CD79A: variants seen among roughly 807,000 people sequenced by gnomAD.
CD79A encodes the protein B-cell antigen receptor complex-associated protein alpha chain.
In CD79A, 16 loss-of-function variants were observed where a neutral mutation model predicts 27.4. The observed-to-expected ratio is 0.58, with a 90% CI of 0.40 to 0.89. The LOEUF (loss-of-function observed/expected upper bound fraction) is 0.89. CD79A is among the 40% of genes least tolerant of loss of function. The pLI is 0.00. For missense variants in CD79A, 237 were observed against 299.7 expected (o/e 0.79, Z 1.55); for synonymous variants, 110 against 132.7 (o/e 0.83, Z 1.18).
rs1267895920 is a variant in CD79A at position 41,878,845 on chromosome 19, A to G, written c.80-145A>G. The G allele has an allele frequency of 1.5e-6, 1 of 658,734 alleles. No individual in the cohort carries two copies. The highest frequency in any genetic ancestry group is 2.7e-5 in the East Asian group (1 of 36,810). 40.8% of individuals were successfully genotyped at this position (658,734 alleles called of 1,614,324 possible). A position where few individuals can be genotyped will look rare whatever the true frequency, so the allele number is the denominator to read the frequency against. On this transcript the variant is annotated intron_variant, in intron 1 of 4. Coordinates refer to ENST00000221972, the MANE Select transcript of CD79A (RefSeq NM_001783.4). This position sits in a 1 kb window ranked among gnomAD's most constrained non-coding sequence, Gnocchi z 4.3. The stretch of plus-strand genomic sequence containing the variant: ...ATCCCCCCTCTCCCCAGGATGTATC[A>G]GCCCCTGTCAGGGGCTCTCTCTCTC...
At position 41,879,722 on chromosome 19, in the gene CD79A, A is replaced by T; in HGVS notation, c.498+69A>T. 2 of 986,680 alleles carry T rather than the reference A, an allele frequency of 2.0e-6. No individual in the cohort carries two copies. The highest frequency in any genetic ancestry group is 3.2e-6 in the Non-Finnish European group (2 of 626,614). The allele number at this position is 986,680 out of a possible 1,614,324, so 61.1% of individuals were successfully genotyped here. A position where few individuals can be genotyped will look rare whatever the true frequency, so the allele number is the denominator to read the frequency against. On this transcript the variant is annotated intron_variant, in intron 3 of 4. Transcript: ENST00000221972. This position sits in a 1 kb window ranked among gnomAD's most constrained non-coding sequence, Gnocchi z 5.1. ...GCCGAGGGACCCCCAATACCCAGGT[A>T]GCCCTCTAGAGCCTGAGGTTCCCCA...
Position 41,879,240 on chromosome 19 carries a change from G to A in CD79A, c.330G>A (p.Glu110=), listed in dbSNP as rs1006898670. 1.2e-6 allele frequency: 2 copies of A among 1,613,644 alleles called. No homozygotes were observed. Among genetic ancestry groups the A allele is most frequent in the South Asian group, 1.1e-5 (1 of 91,090 alleles). The change falls in exon 2 of 5, where the codon GAG becomes GAA. Residue 110 remains glutamate, a synonymous_variant. Coordinates refer to ENST00000221972, the MANE Select transcript of CD79A (RefSeq NM_001783.4). The surrounding 1 kb of genome is among the most constrained non-coding windows in gnomAD (Gnocchi z 5.1). ...GCATATACGTGTGCCGGGTCCAGGA[G>A]GGCAACGAGTCATACCAGCAGTCCT... ...HGGIYVCRVQ[E]GNESYQQSCG... is the part of the protein sequence containing the mutation.
At position 41,877,640 on chromosome 19, in the gene CD79A, C is replaced by T. The variant is rs1555843168; in HGVS notation, c.79+257C>T. Among the ~76,000 whole-genome samples, 1 of 152,212 alleles carries T rather than the reference C, an allele frequency of 6.6e-6. No individual in the cohort carries two copies. The highest frequency in any genetic ancestry group is 2.4e-5 in the African/African-American group (1 of 41,452). On this transcript the variant is annotated intron_variant, in intron 1 of 4. Transcript: ENST00000221972. The surrounding 1 kb of genome is among the most constrained non-coding windows in gnomAD (Gnocchi z 4.1). Reference sequence around the variant, plus strand: ...GAGCAAGAGTCACCTCCCCCACCTCCTGTTCCCCACAGGCCAAAATAAGGA... The same window carrying T: ...GAGCAAGAGTCACCTCCCCCACCTCTTGTTCCCCACAGGCCAAAATAAGGA...
chr19:41,879,843 A>AG lies in CD79A; in HGVS notation c.498+195dup, dbSNP rs2074211383. Among the ~76,000 whole-genome samples the AG allele has an allele frequency of 6.6e-6, 1 of 152,184 alleles. No homozygotes were observed. The highest frequency in any genetic ancestry group is 1.9e-4 in the East Asian group (1 of 5,196). The stretch of plus-strand genomic sequence containing the variant: ...AGGGACTTGAACTGGCGCTGAGCCC[A>AG]GGGGGTGTCTTCAATTTAGTTTCCC... On this transcript the variant is annotated intron_variant, in intron 3 of 4. Transcript: ENST00000221972. The surrounding 1 kb of genome is among the most constrained non-coding windows in gnomAD (Gnocchi z 5.1).
rs1360701482 is a variant in CD79A, at chr19:41,881,176, T to C, written c.*196T>C. 4 of 634,864 alleles carry C rather than the reference T, an allele frequency of 6.3e-6. No individual in the cohort carries two copies. In the Admixed American group the frequency reaches 6.9e-5, roughly 11 times the overall value. The allele number at this position is 634,864 out of a possible 1,614,324, so 39.3% of individuals were successfully genotyped here. The stretch of plus-strand genomic sequence containing the variant: ...GACTCCCCTGGGGGTGTCCCACTCT[T>C]CTTCCCTCTAAACTGCCCCACCTCC... On this transcript the variant is annotated 3_prime_UTR_variant, in exon 5 of 5. Transcript: ENST00000221972.
Position 41,878,897 on chromosome 19 carries a change from C to T in CD79A, c.80-93C>T, listed in dbSNP as rs1030141996. On this transcript the variant is annotated intron_variant, in intron 1 of 4. Coordinates refer to ENST00000221972, the MANE Select transcript of CD79A (RefSeq NM_001783.4). This position sits in a 1 kb window ranked among gnomAD's most constrained non-coding sequence, Gnocchi z 4.3. The stretch of plus-strand genomic sequence containing the variant: ...CTCCCCACCCAGGAGAGTCCTCACC[C>T]TCTTCCCAGGAGTGCTGGAACTGCA... 4 of 1,043,090 alleles carry T rather than the reference C, an allele frequency of 3.8e-6. No individual in the cohort carries two copies. Among genetic ancestry groups the T allele is most frequent in the Admixed American group, 2.0e-5 (1 of 50,602 alleles). The allele number at this position is 1,043,090 out of a possible 1,614,324, so 64.6% of individuals were successfully genotyped here.
At position 41,878,212 on chromosome 19, in the gene CD79A, G is replaced by A. The variant is rs2074200234; in HGVS notation, c.80-778G>A. ...TCAATCACCAGCAGCCCAGCCCAAGGACTGAACTCACCCCTGACCCCTAGG... is the reference window on the plus strand; with the variant it reads ...TCAATCACCAGCAGCCCAGCCCAAGAACTGAACTCACCCCTGACCCCTAGG... On this transcript the variant is annotated intron_variant, in intron 1 of 4. Transcript: ENST00000221972. The surrounding 1 kb of genome is among the most constrained non-coding windows in gnomAD (Gnocchi z 4.3). 6.6e-6 allele frequency among the ~76,000 whole-genome samples: 1 copy of A among 152,166 alleles called. No homozygotes were observed. The highest frequency in any genetic ancestry group is 1.5e-5 in the Non-Finnish European group (1 of 68,018).
In CD79A at chr19:41,877,735, C is replaced by T. The variant is rs543076157; in HGVS notation, c.79+352C>T. 8.5e-5 allele frequency among the ~76,000 whole-genome samples: 13 copies of T among 152,142 alleles called. No individual in the cohort carries two copies. Among genetic ancestry groups the T allele is most frequent in the African/African-American group, 2.4e-4 (10 of 41,426 alleles). Reference sequence around the variant, plus strand: ...GGGACTTAGGGGTAGCAGCATTCAGCGTCTGTCAAGGGGAGAAAAAGCTTT... The same window carrying T: ...GGGACTTAGGGGTAGCAGCATTCAGTGTCTGTCAAGGGGAGAAAAAGCTTT... On this transcript the variant is annotated intron_variant, in intron 1 of 4. Coordinates refer to ENST00000221972, the MANE Select transcript of CD79A (RefSeq NM_001783.4). The surrounding 1 kb of genome is among the most constrained non-coding windows in gnomAD (Gnocchi z 4.1).
At position 41,879,292 on chromosome 19, in the gene CD79A, G is replaced by A; in HGVS notation, c.379+3G>A. 6.2e-7 allele frequency: 1 copy of A among 1,611,288 alleles called. No individual in the cohort carries two copies. Among genetic ancestry groups the A allele is most frequent in the Non-Finnish European group, 8.5e-7 (1 of 1,179,652 alleles). On this transcript the variant is annotated splice_donor_region_variant and intron_variant, in intron 2 of 4. Transcript: ENST00000221972. This position sits in a 1 kb window ranked among gnomAD's most constrained non-coding sequence, Gnocchi z 5.1. ...CGGCACCTACCTCCGCGTGCGCCGT[G>A]AGTGGCCCAGCCCTGGCCCCTACTC...
rs534630849 is a variant in CD79A, at chr19:41,878,863, T to G, written c.80-127T>G. ...ATGTATCAGCCCCTGTCAGGGGCTC[T>G]CTCTCTCCCTCCCCACCCAGGAGAG... On this transcript the variant is annotated intron_variant, in intron 1 of 4. Coordinates refer to ENST00000221972, the MANE Select transcript of CD79A (RefSeq NM_001783.4). The surrounding 1 kb of genome is among the most constrained non-coding windows in gnomAD (Gnocchi z 4.3). The G allele has an allele frequency of 6.9e-6, 5 of 728,398 alleles. No homozygotes were observed. The highest frequency in any genetic ancestry group is 3.3e-5 in the South Asian group (2 of 60,994). 45.1% of individuals were successfully genotyped at this position (728,398 alleles called of 1,614,324 possible). A position where few individuals can be genotyped will look rare whatever the true frequency, so the allele number is the denominator to read the frequency against.
At position 41,878,962 on chromosome 19, in the gene CD79A, C is replaced by T. The variant is rs781888566; in HGVS notation, c.80-28C>T. Reference sequence around the variant, plus strand: ...GGAAATGTGTCACCATCCCCAGTCCCTGACCCACCCACCCTGTCTCTCCAC... The same window carrying T: ...GGAAATGTGTCACCATCCCCAGTCCTTGACCCACCCACCCTGTCTCTCCAC... On this transcript the variant is annotated intron_variant, in intron 1 of 4. Coordinates refer to ENST00000221972, the MANE Select transcript of CD79A (RefSeq NM_001783.4). This position sits in a 1 kb window ranked among gnomAD's most constrained non-coding sequence, Gnocchi z 4.3. 1 of 1,316,168 alleles carries T rather than the reference C, an allele frequency of 7.6e-7. No homozygotes were observed. Among genetic ancestry groups the T allele is most frequent in the Non-Finnish European group, 1.1e-6 (1 of 919,952 alleles). The allele number at this position is 1,316,168 out of a possible 1,614,324, so 81.5% of individuals were successfully genotyped here. A position where few individuals can be genotyped will look rare whatever the true frequency, so the allele number is the denominator to read the frequency against.
In CD79A at chr19:41,880,897, G is replaced by A; in HGVS notation, c.598G>A (p.Glu200Lys). The A allele has an allele frequency of 1.2e-6, 2 of 1,606,020 alleles. No homozygotes were observed. Among genetic ancestry groups the A allele is most frequent in the Non-Finnish European group, 1.7e-6 (2 of 1,176,800 alleles). ...GLNLDDCSMY[E>K]DISRGLQGTY... ...GAACCTGGACGACTGCTCCATGTAT[G>A]AGGACATCTCCCGGGGCCTCCAGGG... The change falls in exon 5 of 5, where the codon GAG becomes AAG. Residue 200 changes from glutamate (E) to lysine (K), a missense_variant. Glu to Lys is a moderately conservative substitution (Grantham distance 56). Transcript: ENST00000221972.
intron 3 of CD79A, among the ~76,000 whole-genome samples, 185 bp from the exon 4 acceptor site, chr19:41,880,485 G>GAAGA: frequency 1.3e-5 from 2 of 149,256 alleles, no homozygotes; most frequent in East Asian, 1.9e-4. Context: ...AGGAAGGAAG[G>GAAGA]AAGGAAGGAA....
In CD79A at chr19:41,878,588, G is replaced by A. The variant is rs542900175; in HGVS notation, c.80-402G>A. 5.9e-5 allele frequency among the ~76,000 whole-genome samples: 9 copies of A among 152,284 alleles called. No individual in the cohort carries two copies. The highest frequency in any genetic ancestry group is 2.2e-4 in the African/African-American group (9 of 41,540). ...CACTGCTTCTGGAAGGAGCTGTCTG[G>A]ACAGCGGTCCTCCAGTGCCTGGAAC... On this transcript the variant is annotated intron_variant, in intron 1 of 4. Coordinates refer to ENST00000221972, the MANE Select transcript of CD79A (RefSeq NM_001783.4). This position sits in a 1 kb window ranked among gnomAD's most constrained non-coding sequence, Gnocchi z 4.3.
Position 41,877,356 on chromosome 19 carries a change from C to T in CD79A, c.52C>T (p.Leu18Phe), listed in dbSNP as rs782760214. The change falls in exon 1 of 5, where the codon CTC (leucine) becomes TTC (phenylalanine). Residue 18 changes from leucine (L) to phenylalanine (F), a missense_variant. Coordinates refer to ENST00000221972, the MANE Select transcript of CD79A (RefSeq NM_001783.4). The surrounding 1 kb of genome is among the most constrained non-coding windows in gnomAD (Gnocchi z 4.1). ...AGCTCTGCCTGCCACCATCTTCCTC[C>T]TCTTCCTGCTGTCTGCTGTCTACCT... ...LQALPATIFL[L>F]FLLSAVYLGP... 1.2e-6 allele frequency: 2 copies of T among 1,614,172 alleles called. No homozygotes were observed. The highest frequency in any genetic ancestry group is 2.2e-5 in the South Asian group (2 of 91,090).
rs191391314 is a variant in CD79A, at chr19:41,877,299, G to A, written c.-6G>A. 48 of 1,613,064 alleles carry A rather than the reference G, an allele frequency of 3.0e-5. No homozygotes were observed. Among genetic ancestry groups the A allele is most frequent in the Admixed American group, 2.5e-4 (15 of 60,024 alleles). On this transcript the variant is annotated 5_prime_UTR_variant, in exon 1 of 5. Transcript: ENST00000221972. This position sits in a 1 kb window ranked among gnomAD's most constrained non-coding sequence, Gnocchi z 4.1. The stretch of plus-strand genomic sequence containing the variant: ...CAACTCAAACTAACCAACCCACTGG[G>A]AGAAGATGCCTGGGGGTCCAGGAGT...
In CD79A at chr19:41,879,394, C is replaced by A. The variant is rs782232012; in HGVS notation, c.379+105C>A. 1.2e-5 allele frequency: 16 copies of A among 1,301,398 alleles called. No individual in the cohort carries two copies. The highest frequency in any genetic ancestry group is 1.6e-5 in the Non-Finnish European group (15 of 929,200). 80.6% of individuals were successfully genotyped at this position (1,301,398 alleles called of 1,614,324 possible). A position where few individuals can be genotyped will look rare whatever the true frequency, so the allele number is the denominator to read the frequency against. On this transcript the variant is annotated intron_variant, in intron 2 of 4. Coordinates refer to ENST00000221972, the MANE Select transcript of CD79A (RefSeq NM_001783.4). This position sits in a 1 kb window ranked among gnomAD's most constrained non-coding sequence, Gnocchi z 5.1. ...AGTACCTTCAATGTGGGTTTCAAAC[C>A]GGCTTGGACAGAGGGACGGACATTC...
At position 41,879,624 on chromosome 19, in the gene CD79A, G is replaced by T; in HGVS notation, c.469G>T (p.Val157Leu). The T allele has an allele frequency of 6.2e-7, 1 of 1,611,666 alleles. No individual in the cohort carries two copies. ...GGGGATCATCCTCCTGTTCTGCGCG[G>T]TGGTGCCTGGGACGCTGCTGCTGTT... ...AEGIILLFCA[V>L]VPGTLLLFRK... Residue 157 changes from valine (V) to leucine (L), a missense_variant, in exon 3 of 5, where the codon GTG becomes TTG. Coordinates refer to ENST00000221972, the MANE Select transcript of CD79A (RefSeq NM_001783.4). This position sits in a 1 kb window ranked among gnomAD's most constrained non-coding sequence, Gnocchi z 5.1.
chr19:41,879,341 G>T lies in CD79A; in HGVS notation c.379+52G>T. 1.3e-6 allele frequency: 2 copies of T among 1,555,068 alleles called. No homozygotes were observed. The highest frequency in any genetic ancestry group is 8.8e-7 in the Non-Finnish European group (1 of 1,141,298). Reference sequence around the variant, plus strand: ...TCCCACTGTCCCGCTGGGGACACTCGGTTTATCTTTGAAGTGGGGATAGAG... The same window carrying T: ...TCCCACTGTCCCGCTGGGGACACTCTGTTTATCTTTGAAGTGGGGATAGAG... On this transcript the variant is annotated intron_variant, in intron 2 of 4. Coordinates refer to ENST00000221972, the MANE Select transcript of CD79A (RefSeq NM_001783.4). The surrounding 1 kb of genome is among the most constrained non-coding windows in gnomAD (Gnocchi z 5.1).
Sources: gnomAD v4.1 joint callset for allele counts (sites outside exome capture counted in the v4.1 genomes callset) on GRCh38, gnomAD v4.1.1 for gene constraint, Gnocchi (gnomAD v3.1) non-coding constraint, MANE v1.5 for transcripts, NCBI Gene and HGNC (gene_info 2026-07-23, HGNC 2026-07-21) for gene names.